ZNF521: variants seen among roughly 807,000 people sequenced by gnomAD.
The protein encoded by ZNF521 is LYST-interacting protein 3.
In ZNF521, 14 loss-of-function variants were observed where a neutral mutation model predicts 105.5. The ratio of observed to expected loss-of-function variants is 0.13; its 90% CI spans 0.09 to 0.21. The LOEUF is 0.21. Ranked by LOEUF, ZNF521 falls within the 10% of genes least tolerant of loss-of-function variation. The probability of loss-of-function intolerance (pLI) is 1.00; values close to 1 mark genes in which losing one functional copy is unlikely to be tolerated. For synonymous variants in ZNF521, 635 were observed against 606.0 expected (o/e 1.05, Z -0.70); for missense variants, 1,233 against 1,629.7 (o/e 0.76, Z 4.19).
intron 3 of ZNF521, chr18:25,231,459 AAC>A (rs1264468189): frequency 1.3e-5 from 2 of 152,282 alleles, no homozygotes; most frequent in Admixed American, 6.5e-5. Flanking sequence ...AAGGCAACAG[AAC>A]ACAGAGTACC....
intron 3 of ZNF521, among the ~76,000 whole-genome samples, chr18:25,279,619 C>T (rs1392379908): frequency 1.3e-5 from 2 of 152,168 alleles, no homozygotes; most frequent in Non-Finnish European, 2.9e-5. Context: ...ATGTGGTATT[C>T]AACCAGAGCA....
intron 7 of ZNF521, among the ~76,000 whole-genome samples, chr18:25,069,585 G>A (rs1263937353): frequency 6.6e-6 from 1 of 152,108 alleles, no homozygotes; most frequent in Non-Finnish European, 1.5e-5. Flanking sequence ...GAAATCTGGG[G>A]TAATTGTGTT....
chr18:25,213,133 G>T (rs1232793540), intron 4 of ZNF521, among the ~76,000 whole-genome samples: 2 of 149,034 alleles, frequency 1.3e-5, no homozygotes, highest in African/African-American at 4.9e-5. Context: ...AAATTTCCCT[G>T]CAAATTACAT....
At chr18:25,309,270 T>C (rs1168053567) in intron 3 of ZNF521, among the ~76,000 whole-genome samples, 2 of 152,224 alleles carry the variant, frequency 1.3e-5, no homozygotes, top group African/African-American at 2.4e-5. Context: ...CTTAGGTTTC[T>C]GCAGGCCACA....
At chr18:25,075,058 C>A (rs538890401) in intron 7 of ZNF521, among the ~76,000 whole-genome samples, 1 of 152,130 alleles carries the variant, frequency 6.6e-6, no homozygotes, top group Admixed American at 6.5e-5. Context: ...GAGGGCCAGG[C>A]GGCAGGCATG....
chr18:25,135,257 C>T (rs1027986952), intron 5 of ZNF521, among the ~76,000 whole-genome samples: 1 of 150,026 alleles, frequency 6.7e-6, no homozygotes, highest in Admixed American at 6.7e-5. Flanking sequence ...TATATGTACA[C>T]ATACATACAT....
At chr18:25,287,794 G>T (rs1193346344) in intron 3 of ZNF521, among the ~76,000 whole-genome samples, 1 of 152,110 alleles carries the variant, frequency 6.6e-6, no homozygotes, top group Non-Finnish European at 1.5e-5. Flanking sequence ...CTCAGAAAGA[G>T]CATTAAATTG....
chr18:25,321,911 T>A, intron 3 of ZNF521, 97 bp downstream of exon 3: 1 of 1,200,036 alleles, frequency 8.3e-7, no homozygotes, highest in South Asian at 1.5e-5. Flanking sequence ...AATGTAGGAA[T>A]AAAATAATTT....
chr18:25,125,710 G>T (rs1341903538), intron 5 of ZNF521, among the ~76,000 whole-genome samples: 3 of 125,430 alleles, frequency 2.4e-5, no homozygotes, highest in Non-Finnish European at 3.4e-5. Flanking sequence ...GATAGATTTA[G>T]TTTTCAAAAC....
chr18:25,232,340 T>C (rs1203497959), intron 3 of ZNF521, among the ~76,000 whole-genome samples: 1 of 152,252 alleles, frequency 6.6e-6, no homozygotes, highest in African/African-American at 2.4e-5. Context: ...TAGGGCACCT[T>C]ATCATGGCTG....
At chr18:25,180,530 C>T (rs1044826494) in intron 5 of ZNF521, among the ~76,000 whole-genome samples, 3 of 148,808 alleles carry the variant, frequency 2.0e-5, no homozygotes, top group Admixed American at 2.0e-4. Context: ...AAAAACCCCA[C>T]ATTTATTTCC....
intron 3 of ZNF521, among the ~76,000 whole-genome samples, chr18:25,265,760 A>G (rs1909208083): frequency 6.6e-6 from 1 of 152,238 alleles, no homozygotes; most frequent in Non-Finnish European, 1.5e-5. Context: ...CACTGTTGAC[A>G]ATAGCTAAGA....
chr18:25,117,052 T>TACACACACAC (rs1278664215), intron 5 of ZNF521, among the ~76,000 whole-genome samples: 1 of 33,880 alleles, frequency 3.0e-5, no homozygotes, highest in African/African-American at 7.5e-5. Flanking sequence ...CACACATATA[T>TACACACACAC]ATACACACAC....
chr18:25,296,305 C>T (rs1304139290), intron 3 of ZNF521, among the ~76,000 whole-genome samples: 1 of 152,188 alleles, frequency 6.6e-6, no homozygotes, highest in Non-Finnish European at 1.5e-5. Flanking sequence ...CCACCACTCT[C>T]TGCAAATATT....
chr18:25,315,141 A>T (rs1912530992), intron 3 of ZNF521, among the ~76,000 whole-genome samples: 2 of 152,176 alleles, frequency 1.3e-5, no homozygotes, highest in Non-Finnish European at 2.9e-5. Context: ...ATATATTTTG[A>T]TAATCTGTCT....
At chr18:25,231,742 A>T (rs1218909941) in intron 3 of ZNF521, among the ~76,000 whole-genome samples, 1 of 152,184 alleles carries the variant, frequency 6.6e-6, no homozygotes, top group East Asian at 1.9e-4. Flanking sequence ...ACTAATGTTA[A>T]TGCTTACTTT....
chr18:25,099,404 G>T (rs369476692), intron 5 of ZNF521, among the ~76,000 whole-genome samples: 2 of 152,084 alleles, frequency 1.3e-5, no homozygotes, highest in African/African-American at 4.8e-5. Context: ...AAAATAAGAT[G>T]AAAATACTCT....
chr18:25,175,099 T>A (rs1004548986), intron 5 of ZNF521, among the ~76,000 whole-genome samples: 2 of 152,198 alleles, frequency 1.3e-5, no homozygotes, highest in Admixed American at 1.3e-4. Flanking sequence ...TCCAAGGTGA[T>A]CTGAGGAATA....
chr18:25,211,654 T>A (rs2144686109), intron 4 of ZNF521, among the ~76,000 whole-genome samples: 1 of 152,336 alleles, frequency 6.6e-6, no homozygotes, highest in East Asian at 1.9e-4. Flanking sequence ...TAGTTATGTG[T>A]TATAAATTTG....
Sources: allele counts gnomAD v4.1 joint callset (sites outside exome capture counted in the v4.1 genomes callset), GRCh38; gene constraint gnomAD v4.1.1; transcripts MANE v1.5; gene names NCBI Gene and HGNC (gene_info 2026-07-23, HGNC 2026-07-21).